Variants in SYNE1 observed in about 807,000 individuals in gnomAD.
SYNE1 encodes the protein spectrin repeat containing nuclear envelope protein 1.
A neutral mutation model predicts 1,111.0 loss-of-function variants in SYNE1; 616 were observed. That is an observed-to-expected ratio of 0.55 (90% CI 0.52 to 0.59). The LOEUF (loss-of-function observed/expected upper bound fraction) is 0.59. Among genes scored for constraint, SYNE1 ranks in the 20% least tolerant of loss-of-function variants. The pLI, the probability that SYNE1 is intolerant of heterozygous loss-of-function variation, is 0.00. For missense variants in SYNE1, 10,006 were observed against 10,417.0 expected (o/e 0.96, Z 1.72); for synonymous variants, 3,855 against 3,825.8 (o/e 1.01, Z -0.28).
At position 152,590,019 on chromosome 6, in the gene SYNE1, C is replaced by T. The variant is rs1212252363; in HGVS notation, c.67+38246G>A. 6.0e-5 allele frequency among the ~76,000 whole-genome samples: 9 copies of T among 150,924 alleles called. 2 individuals are homozygous for T. The South Asian group carries it at 1.0e-3, about 18-fold the overall frequency. On this transcript the variant is annotated intron_variant, in intron 3 of 145. Coordinates refer to ENST00000367255, the MANE Select transcript of SYNE1 (RefSeq NM_182961.4). ...GTGCCACCATAGCTCACTGTAACCT[C>T]GAACCCTAGGCTCAAGCAACCCTCT...
chr6:152,180,094 C>G (rs1172243489), intron 129 of SYNE1, 42 bp downstream of exon 129: 1 of 1,609,376 alleles, frequency 6.2e-7, no homozygotes, highest in Non-Finnish European at 8.5e-7. Flanking sequence ...TACACATAAG[C>G]CTTATGAAGA....
intron 89 of SYNE1, 134 bp downstream of exon 89, chr6:152,310,262 G>T: frequency 7.4e-7 from 1 of 1,348,442 alleles, no homozygotes; most frequent in Non-Finnish European, 1.0e-6. Context: ...GCCAACATAG[G>T]GATACCCTGT....
chr6:152,214,970 T>G lies in SYNE1; in HGVS notation c.22282A>C (p.Lys7428Gln), dbSNP rs771618181. The change falls in exon 122 of 146, where the codon AAA becomes CAA. Residue 7428 changes from lysine to glutamine, a missense_variant. By Grantham distance (53) the Lys-to-Gln change is moderately conservative. This residue lies in a region of SYNE1 where 2,182 missense variants were observed against 2,287.8 expected (regional missense o/e 0.95). Transcript: ENST00000367255. ...YRLPLNDKEI[K>Q]RMQNLNRHWS... The stretch of plus-strand genomic sequence containing the variant: ...TGGCGGTTCAGATTCTGCATTCTTT[T>G]GATTTCCTTATCATTCAAGGGTAAC... The G allele has an allele frequency of 1.2e-5, 19 of 1,614,050 alleles. No homozygotes were observed. Among genetic ancestry groups the G allele is most frequent in the Non-Finnish European group, 1.6e-5 (19 of 1,180,006 alleles).
chr6:152,519,978 G>T (rs571375925), intron 6 of SYNE1, among the ~76,000 whole-genome samples: 1 of 152,194 alleles, frequency 6.6e-6, no homozygotes, highest in African/African-American at 2.4e-5. Flanking sequence ...CATACAAACT[G>T]AAATTGAGAG....
chr6:152,195,719 T>C (rs1001371869), intron 127 of SYNE1, among the ~76,000 whole-genome samples: 4 of 152,208 alleles, frequency 2.6e-5, no homozygotes, highest in Non-Finnish European at 4.4e-5. Flanking sequence ...CAAGTACCCC[T>C]GTGGATCCCC....
chr6:152,268,243 A>C (rs534925109), intron 99 of SYNE1, 78 bp from the exon 100 acceptor site: 1 of 1,209,298 alleles, frequency 8.3e-7, no homozygotes, highest in Non-Finnish European at 1.2e-6. Context: ...CTAGCTATAA[A>C]ATTCTCAGAG....
At position 152,321,840 on chromosome 6, in the gene SYNE1, GC is replaced by G. The variant is rs780893200; in HGVS notation, c.15963del (p.Glu5321AspfsTer2). On this transcript the variant is annotated frameshift_variant, in exon 83 of 146. Coordinates refer to ENST00000367255, the MANE Select transcript of SYNE1 (RefSeq NM_182961.4). LOFTEE classifies it high-confidence loss of function. ...GTCTCCACCATTTCTCGGTCCTTCAGCTCTTGCTTCACCAACTTTCCATTAG... is the reference window on the plus strand; with the variant it reads ...GTCTCCACCATTTCTCGGTCCTTCAGTCTTGCTTCACCAACTTTCCATTAG... ...VKTNGKLVKQ[E>X]LKDREMVETQ... The G allele has an allele frequency of 6.2e-7, 1 of 1,613,954 alleles. No homozygotes were observed. Among genetic ancestry groups the G allele is most frequent in the Non-Finnish European group, 8.5e-7 (1 of 1,179,970 alleles).
intron 3 of SYNE1, among the ~76,000 whole-genome samples, chr6:152,617,916 G>A (rs547712154): frequency 6.7e-4 from 102 of 152,232 alleles, no homozygotes; most frequent in African/African-American, 1.2e-3. Flanking sequence ...GAAATTGTTC[G>A]GGGGATTGCA....
intron 91 of SYNE1, among the ~76,000 whole-genome samples, chr6:152,307,895 C>T (rs1427061851): frequency 2.0e-5 from 3 of 152,240 alleles, no homozygotes; most frequent in Middle Eastern, 3.4e-3. Flanking sequence ...TGCAGTGGCG[C>T]GATCTTGGCT....
intron 4 of SYNE1, among the ~76,000 whole-genome samples, chr6:152,539,576 A>G (rs532851618): frequency 2.3e-4 from 35 of 152,310 alleles, no homozygotes; most frequent in African/African-American, 8.4e-4. Flanking sequence ...TTTAGCTAAA[A>G]TCTTTTGCTT....
At position 152,310,751 on chromosome 6, in the gene SYNE1, C is replaced by T; in HGVS notation, c.16833G>A (p.Arg5611=). Residue 5611 remains arginine (R), a synonymous_variant, in exon 88 of 146, where the codon CGG becomes CGA. Coordinates refer to ENST00000367255, the MANE Select transcript of SYNE1 (RefSeq NM_182961.4). ...KMSQQVAELG[R]ETEELRQMIK... is the part of the protein sequence containing the mutation. ...TCATCTGTCGCAACTCCTCAGTCTC[C>T]CGTCCCAGTTCTGCCACTTGCTGAG... The T allele has an allele frequency of 6.2e-7, 1 of 1,614,014 alleles. No individual in the cohort carries two copies. The highest frequency in any genetic ancestry group is 8.5e-7 in the Non-Finnish European group (1 of 1,180,014).
At chr6:152,319,636 C>T (rs750917615) in intron 84 of SYNE1, among the ~76,000 whole-genome samples, 5 of 151,706 alleles carry the variant, frequency 3.3e-5, no homozygotes, top group South Asian at 2.1e-4. Context: ...AATAAAATGC[C>T]GAAGAAAAGA....
intron 12 of SYNE1, among the ~76,000 whole-genome samples, chr6:152,485,285 A>C (rs1225248781): frequency 1.3e-5 from 2 of 152,176 alleles, no homozygotes; most frequent in African/African-American, 4.8e-5. Context: ...AAAGCCTAGG[A>C]TTTCTCATTT....
At chr6:152,231,673 A>G (rs1166399360) in intron 113 of SYNE1, 106 bp from the exon 114 acceptor site, 9 of 1,206,702 alleles carry the variant, frequency 7.5e-6, no homozygotes, top group Non-Finnish European at 1.1e-5. Flanking sequence ...TCACTTCCAT[A>G]ACTCAGCTGA....
intron 117 of SYNE1, among the ~76,000 whole-genome samples, chr6:152,223,855 A>G (rs572589672): frequency 2.0e-5 from 3 of 152,328 alleles, no homozygotes; most frequent in African/African-American, 7.2e-5. Flanking sequence ...GAGCAGTGAC[A>G]GGTGAGAGTG....
intron 93 of SYNE1, 25 bp downstream of exon 93, chr6:152,300,616 T>C: frequency 6.2e-7 from 1 of 1,614,062 alleles, no homozygotes; most frequent in South Asian, 1.1e-5. Context: ...AGATTATTGC[T>C]AGAGGAATGC....
At chr6:152,625,459 A>G (rs1029994933) in intron 3 of SYNE1, among the ~76,000 whole-genome samples, 5 of 152,146 alleles carry the variant, frequency 3.3e-5, no homozygotes, top group Admixed American at 3.3e-4. Flanking sequence ...TGCAGGCTAG[A>G]TGTGTTGCAT....
intron 29 of SYNE1, among the ~76,000 whole-genome samples, chr6:152,445,718 CTT>C (rs111707997): frequency 1.8e-3 from 274 of 151,434 alleles, no homozygotes; most frequent in Non-Finnish European, 1.8e-3. Context: ...CACCCACAGT[CTT>C]TTTTTTTCTT....
At chr6:152,301,050 T>G (rs2095142180) in intron 92 of SYNE1, among the ~76,000 whole-genome samples, 1 of 152,240 alleles carries the variant, frequency 6.6e-6, no homozygotes, top group African/African-American at 2.4e-5. Context: ...TTATTTTCCT[T>G]TCTTTGGAGA....
Sources: allele counts gnomAD v4.1 joint callset (sites outside exome capture counted in the v4.1 genomes callset), GRCh38; gene constraint gnomAD v4.1.1; regional missense constraint gnomAD v4.1.1; transcripts MANE v1.5; gene names NCBI Gene and HGNC (gene_info 2026-07-23, HGNC 2026-07-21).